The following ZDHHC14 variants were observed in gnomAD, a reference collection of about 807,000 sequenced individuals.
The protein encoded by ZDHHC14 is zDHHC palmitoyltransferase 14.
Under a neutral mutation model 47.7 loss-of-function variants are expected in ZDHHC14, and 16 were observed. The ratio of observed to expected loss-of-function variants is 0.34; its 90% CI spans 0.23 to 0.51. The LOEUF (loss-of-function observed/expected upper bound fraction) is 0.51. Ranked by LOEUF, ZDHHC14 falls within the 20% of genes least tolerant of loss-of-function variation. The pLI is 0.97. For synonymous variants in ZDHHC14, 293 were observed against 278.9 expected, an observed-to-expected ratio of 1.05 and a Z score of -0.50; for missense variants, 515 against 662.5, an observed-to-expected ratio of 0.78 and a Z score of 2.44.
chr6:157,457,824 G>A (rs1303612848), intron 1 of ZDHHC14, among the ~76,000 whole-genome samples: 1 of 152,200 alleles, frequency 6.6e-6, no homozygotes, highest in Non-Finnish European at 1.5e-5. Context: ...TCAACCAAAT[G>A]CAGCATTGAG....
At chr6:157,606,270 G>A (rs1475956964) in intron 3 of ZDHHC14, among the ~76,000 whole-genome samples, 1 of 152,036 alleles carries the variant, frequency 6.6e-6, no homozygotes, top group Non-Finnish European at 1.5e-5. Context: ...TTTGAGACTA[G>A]CCATGGCCAA....
At chr6:157,647,151 G>A in intron 6 of ZDHHC14, 108 bp from the exon 7 acceptor site, 1 of 742,972 alleles carries the variant, frequency 1.3e-6, no homozygotes, top group Non-Finnish European at 2.2e-6. Flanking sequence ...CCATTTCTTT[G>A]GATTAAAGAT....
chr6:157,493,636 T>C (rs1296953470), intron 1 of ZDHHC14, among the ~76,000 whole-genome samples: 6 of 152,218 alleles, frequency 3.9e-5, no homozygotes, highest in African/African-American at 1.4e-4. Context: ...ATGGACACCA[T>C]CAGGATGGGT....
At chr6:157,422,088 A>T (rs1240430043) in intron 1 of ZDHHC14, among the ~76,000 whole-genome samples, 1 of 152,190 alleles carries the variant, frequency 6.6e-6, no homozygotes, top group Non-Finnish European at 1.5e-5. Flanking sequence ...CCTGGGTCTC[A>T]GTTGAGAGCC....
rs774178834 is a variant in ZDHHC14, at chr6:157,542,723, C to A, written c.384C>A (p.Ala128=). Residue 128 remains alanine, a synonymous_variant, in exon 2 of 9, where the codon GCC becomes GCA. Coordinates refer to ENST00000359775, the MANE Select transcript of ZDHHC14 (RefSeq NM_024630.3). ...GVLPRATPDE[A]ADLERQIDIA... is the part of the protein sequence containing the mutation. ...TCCCACGAGCCACGCCTGATGAAGC[C>A]GCCGATCTGGAAAGGCAAATAGGTA... is the stretch of plus-strand genomic sequence containing the variant. The A allele has an allele frequency of 5.0e-6, 8 of 1,614,080 alleles. No homozygotes were observed. In the South Asian group the frequency reaches 7.7e-5, roughly 16 times the overall value.
At chr6:157,627,795 T>C (rs1785498096) in intron 3 of ZDHHC14, among the ~76,000 whole-genome samples, 2 of 152,234 alleles carry the variant, frequency 1.3e-5, no homozygotes, top group Admixed American at 6.5e-5. Flanking sequence ...GTTTTCTTCA[T>C]AGGAATGTTT....
intron 1 of ZDHHC14, among the ~76,000 whole-genome samples, chr6:157,524,101 A>G (rs1426446300): frequency 6.6e-6 from 1 of 152,092 alleles, no homozygotes; most frequent in Non-Finnish European, 1.5e-5. Flanking sequence ...TTTATTGCAA[A>G]TAAACAGACT....
chr6:157,527,705 C>T (rs1033045526), intron 1 of ZDHHC14, among the ~76,000 whole-genome samples: 1 of 152,174 alleles, frequency 6.6e-6, no homozygotes, highest in African/African-American at 2.4e-5. Context: ...TTCACAAGTG[C>T]TTTAAACATG....
At chr6:157,547,077 C>T (rs767026945) in intron 2 of ZDHHC14, among the ~76,000 whole-genome samples, 6 of 152,188 alleles carry the variant, frequency 3.9e-5, no homozygotes, top group Admixed American at 6.5e-5. Context: ...AATTCACTTG[C>T]GTTGTGGCAG....
At chr6:157,645,967 A>C in intron 6 of ZDHHC14, 128 bp downstream of exon 6, 1 of 733,446 alleles carries the variant, frequency 1.4e-6, no homozygotes, top group Non-Finnish European at 2.2e-6. Flanking sequence ...CCTTGGGAAC[A>C]GAGACGGTGC....
chr6:157,467,307 C>G (rs1354952963), intron 1 of ZDHHC14, among the ~76,000 whole-genome samples: 1 of 152,176 alleles, frequency 6.6e-6, no homozygotes, highest in Admixed American at 6.5e-5. Context: ...TACCCACCAA[C>G]AGTTGCTCCC....
intron 2 of ZDHHC14, among the ~76,000 whole-genome samples, chr6:157,570,063 G>C (rs535745704): frequency 1.3e-5 from 2 of 152,160 alleles, no homozygotes; most frequent in African/African-American, 2.4e-5. Flanking sequence ...CTTATAAATA[G>C]CATCCCCTGC....
At position 157,645,690 on chromosome 6, in the gene ZDHHC14, T is replaced by C. The variant is rs1306699387; in HGVS notation, c.753-47T>C. Reference sequence around the variant, plus strand: ...GGTTCCAGGCCTCCATCACATCCACTTCTTGCGCGGTCCCTCACTTCCGCT... The same window carrying C: ...GGTTCCAGGCCTCCATCACATCCACCTCTTGCGCGGTCCCTCACTTCCGCT... On this transcript the variant is annotated intron_variant, in intron 5 of 8. Coordinates refer to ENST00000359775, the MANE Select transcript of ZDHHC14 (RefSeq NM_024630.3). 3 of 1,529,998 alleles carry C rather than the reference T, an allele frequency of 2.0e-6. No individual in the cohort carries two copies. In the Admixed American group the frequency reaches 5.2e-5, roughly 26 times the overall value. 94.8% of individuals were successfully genotyped at this position (1,529,998 alleles called of 1,614,324 possible).
At chr6:157,585,155 CGA>C (rs1334095178) in intron 2 of ZDHHC14, among the ~76,000 whole-genome samples, 1 of 151,856 alleles carries the variant, frequency 6.6e-6, no homozygotes, top group Non-Finnish European at 1.5e-5. Context: ...TGCAGTGAGC[CGA>C]GATCGCGCCA....
intron 1 of ZDHHC14, among the ~76,000 whole-genome samples, chr6:157,394,902 A>T (rs576563662): frequency 9.9e-5 from 15 of 152,100 alleles, no homozygotes; most frequent in Admixed American, 2.0e-4. Flanking sequence ...TGAGAATTTT[A>T]AAAAAATGAT....
rs554877649 is a variant in ZDHHC14, at chr6:157,653,443, C to T, written c.966-82C>T. 86 of 1,462,420 alleles carry T rather than the reference C, an allele frequency of 5.9e-5. 1 individual carries two copies. The African/African-American group carries it at 9.0e-4, about 15-fold the overall frequency. 90.6% of individuals were successfully genotyped at this position (1,462,420 alleles called of 1,614,324 possible). The stretch of plus-strand genomic sequence containing the variant: ...GGCCTGTCACGGGAAGAGGGAGCCC[C>T]GACGCGGAACCTGAGATAGTGCTGC... On this transcript the variant is annotated intron_variant, in intron 7 of 8. Transcript: ENST00000359775.
rs559335906 is a variant in ZDHHC14 at position 157,461,889 on chromosome 6, A to G, written c.245+79623A>G. Reference sequence around the variant, plus strand: ...GGCCTCGGAGCACCGTGCCCCCACTAGAGGCACAGCGGTTCTGGGTCTTGA... The same window carrying G: ...GGCCTCGGAGCACCGTGCCCCCACTGGAGGCACAGCGGTTCTGGGTCTTGA... On this transcript the variant is annotated intron_variant, in intron 1 of 8. Coordinates refer to ENST00000359775, the MANE Select transcript of ZDHHC14 (RefSeq NM_024630.3). Among the ~76,000 whole-genome samples the G allele has an allele frequency of 1.3e-3, 204 of 152,320 alleles. 1 individual carries two copies. The highest frequency in any genetic ancestry group is 4.7e-3 in the African/African-American group (197 of 41,576).
intron 1 of ZDHHC14, among the ~76,000 whole-genome samples, chr6:157,384,351 C>T (rs974277453): frequency 9.9e-5 from 15 of 152,126 alleles, no homozygotes; most frequent in East Asian, 3.8e-4. Context: ...AATTCATTTT[C>T]GTTTCTTGAT....
chr6:157,553,276 G>T lies in ZDHHC14; in HGVS notation c.406+10531G>T, dbSNP rs529375914. On this transcript the variant is annotated intron_variant, in intron 2 of 8. Coordinates refer to ENST00000359775, the MANE Select transcript of ZDHHC14 (RefSeq NM_024630.3). The stretch of plus-strand genomic sequence containing the variant: ...AGGGGATCAGATATTGAGGGTGAGG[G>T]TTCTGGCTAACTCGACTCAGCAGGA... Among the ~76,000 whole-genome samples, 3 of 152,262 alleles carry T rather than the reference G, an allele frequency of 2.0e-5. No individual in the cohort carries two copies. The East Asian group carries it at 5.8e-4, about 29-fold the overall frequency.
Sources: allele counts gnomAD v4.1 joint callset (sites outside exome capture counted in the v4.1 genomes callset), GRCh38; gene constraint gnomAD v4.1.1; transcripts MANE v1.5; gene names NCBI Gene and HGNC (gene_info 2026-07-23, HGNC 2026-07-21).